The following ANKS1B variants were observed in gnomAD, a reference collection of about 807,000 sequenced individuals.
ANKS1B encodes the protein ankyrin repeat and sterile alpha motif domain-containing protein 1B.
A neutral mutation model predicts 148.3 loss-of-function variants in ANKS1B; 36 were observed. That is an observed-to-expected ratio of 0.24 (90% confidence interval 0.19 to 0.32). The LOEUF (loss-of-function observed/expected upper bound fraction) is 0.32, where lower values mean the gene tolerates loss of function less well. ANKS1B is among the 10% of genes least tolerant of loss of function. The pLI is 1.00. For missense variants in ANKS1B, 1,157 were observed against 1,542.6 expected, an observed-to-expected ratio of 0.75 and a Z score of 4.19; for synonymous variants, 542 against 560.8, an observed-to-expected ratio of 0.97 and a Z score of 0.47.
At chr12:99,239,076 T>C (rs536903660) in intron 14 of ANKS1B, among the ~76,000 whole-genome samples, 8 of 152,150 alleles carry the variant, frequency 5.3e-5, no homozygotes, top group Middle Eastern at 3.4e-3. Flanking sequence ...GTTTGATGAG[T>C]TGACAGAAGT....
At chr12:99,974,254 T>C (rs1396144784) in intron 1 of ANKS1B, among the ~76,000 whole-genome samples, 1 of 152,236 alleles carries the variant, frequency 6.6e-6, no homozygotes, top group East Asian at 1.9e-4. Context: ...TTGTTAGATA[T>C]AAGGATGTTG....
chr12:99,318,867 T>C (rs2084685278), intron 12 of ANKS1B, among the ~76,000 whole-genome samples: 1 of 152,198 alleles, frequency 6.6e-6, no homozygotes, highest in Non-Finnish European at 1.5e-5. Flanking sequence ...TCTGGTGTGT[T>C]GTGTCTTTGT....
At chr12:99,945,855 C>A (rs1402984232) in intron 1 of ANKS1B, among the ~76,000 whole-genome samples, 1 of 152,188 alleles carries the variant, frequency 6.6e-6, no homozygotes, top group Non-Finnish European at 1.5e-5. Context: ...ATACGTGGTT[C>A]TCCTCTAGTT....
intron 9 of ANKS1B, among the ~76,000 whole-genome samples, chr12:99,523,834 G>A (rs947637862): frequency 7.9e-5 from 12 of 152,154 alleles, no homozygotes; most frequent in Non-Finnish European, 1.2e-4. Flanking sequence ...CTACAGGCGT[G>A]AGCCACCACA....
intron 8 of ANKS1B, among the ~76,000 whole-genome samples, chr12:99,657,897 CAAAAAAAAAA>C (rs58151526): frequency 1.3e-4 from 10 of 75,426 alleles, no homozygotes; most frequent in Non-Finnish European, 2.4e-4. Context: ...TCTCCTCCCT[CAAAAAAAAAA>C]AAAAAAAAAA....
intron 1 of ANKS1B, among the ~76,000 whole-genome samples, chr12:99,959,060 T>C (rs1440648786): frequency 1.3e-5 from 2 of 148,282 alleles, no homozygotes; most frequent in Non-Finnish European, 3.0e-5. Context: ...CATGCTTTTT[T>C]TTTTTTTTTT....
At chr12:99,523,681 T>G (rs1402496949) in intron 9 of ANKS1B, among the ~76,000 whole-genome samples, 3 of 148,682 alleles carry the variant, frequency 2.0e-5, no homozygotes, top group African/African-American at 7.4e-5. Context: ...AGCCTCCCAA[T>G]AGCTGGGACC....
At chr12:99,647,959 T>A in intron 9 of ANKS1B, 1 of 632,208 alleles carries the variant, frequency 1.6e-6, no homozygotes, top group Non-Finnish European at 2.7e-6. Context: ...CAGGGCACAG[T>A]CTGGATCCAG....
intron 17 of ANKS1B, among the ~76,000 whole-genome samples, chr12:98,837,349 A>G (rs1461164992): frequency 6.6e-6 from 1 of 151,822 alleles, no homozygotes; most frequent in Admixed American, 6.6e-5. Context: ...AAAAAAAAAA[A>G]AAAGAAAAAG....
At chr12:98,747,071 T>C (rs2097911328) in intron 26 of ANKS1B, among the ~76,000 whole-genome samples, 1 of 152,054 alleles carries the variant, frequency 6.6e-6, no homozygotes, top group African/African-American at 2.4e-5. Flanking sequence ...ACAAATGGAA[T>C]TACATCAAGT....
At chr12:99,358,105 A>T (rs1206271697) in intron 12 of ANKS1B, among the ~76,000 whole-genome samples, 1 of 151,736 alleles carries the variant, frequency 6.6e-6, no homozygotes, top group Non-Finnish European at 1.5e-5. Context: ...GATAGTTACC[A>T]TTTTTTTAAT....
chr12:99,293,458 C>T (rs1226939493), intron 12 of ANKS1B, among the ~76,000 whole-genome samples: 1 of 151,998 alleles, frequency 6.6e-6, no homozygotes, highest in Non-Finnish European at 1.5e-5. Flanking sequence ...ATGTAGCAAA[C>T]CTGCTCGTTG....
intron 25 of ANKS1B, among the ~76,000 whole-genome samples, chr12:98,767,978 G>A (rs1362959091): frequency 6.6e-6 from 1 of 152,184 alleles, no homozygotes; most frequent in African/African-American, 2.4e-5. Context: ...GGAGAGAAAA[G>A]CTGAGTCCAT....
chr12:99,810,131 T>C (rs2068148558), intron 3 of ANKS1B, among the ~76,000 whole-genome samples: 1 of 152,036 alleles, frequency 6.6e-6, no homozygotes, highest in Non-Finnish European at 1.5e-5. Context: ...AGTCTCAGTC[T>C]CAGTTTCAGT....
At chr12:99,851,774 A>T (rs1421918572) in intron 1 of ANKS1B, among the ~76,000 whole-genome samples, 1 of 152,200 alleles carries the variant, frequency 6.6e-6, no homozygotes, top group Non-Finnish European at 1.5e-5. Context: ...ACAGGAACAA[A>T]AAGCCTTTTG....
At chr12:98,838,240 T>A (rs1448137737) in intron 17 of ANKS1B, among the ~76,000 whole-genome samples, 1 of 152,202 alleles carries the variant, frequency 6.6e-6, no homozygotes, top group Non-Finnish European at 1.5e-5. Flanking sequence ...TAAATAATTC[T>A]ATCATCCTAC....
chr12:98,954,670 T>C (rs1445984417), intron 17 of ANKS1B, among the ~76,000 whole-genome samples: 2 of 152,218 alleles, frequency 1.3e-5, no homozygotes, highest in Non-Finnish European at 2.9e-5. Context: ...ATGTTGTCCA[T>C]TAGTTAACCA....
At chr12:99,138,713 T>A (rs1422755702) in intron 15 of ANKS1B, among the ~76,000 whole-genome samples, 1 of 152,168 alleles carries the variant, frequency 6.6e-6, no homozygotes, top group Non-Finnish European at 1.5e-5. Context: ...CCGTAGCTCT[T>A]TTGCTCTTCA....
intron 1 of ANKS1B, among the ~76,000 whole-genome samples, chr12:99,833,839 C>A (rs1232231377): frequency 6.6e-6 from 1 of 152,084 alleles, no homozygotes; most frequent in African/African-American, 2.4e-5. Flanking sequence ...CCCCATTATA[C>A]AAAAATTAAT....
Sources: allele counts gnomAD v4.1 joint callset (sites outside exome capture counted in the v4.1 genomes callset), GRCh38; gene constraint gnomAD v4.1.1; transcripts MANE v1.5; gene names NCBI Gene and HGNC (gene_info 2026-07-23, HGNC 2026-07-21).